The following ACTN1 variants were observed in gnomAD, a reference collection of about 807,000 sequenced individuals.
The protein encoded by ACTN1 is alpha-actinin-1.
In ACTN1, 30 loss-of-function variants were observed where a neutral mutation model predicts 119.6. The ratio of observed to expected loss-of-function variants is 0.25; its 90% CI spans 0.19 to 0.34. ACTN1 has a LOEUF of 0.34. ACTN1 is among the 10% of genes least tolerant of loss of function. The pLI is 1.00. For synonymous variants in ACTN1, 429 were observed against 472.6 expected (o/e 0.91, Z 1.20); for missense variants, 764 against 1,223.4 (o/e 0.62, Z 5.60).
At position 68,884,283 on chromosome 14, in the gene ACTN1, A is replaced by G. The variant is rs1269297556; in HGVS notation, c.1520T>C (p.Ile507Thr). The change falls in exon 14 of 22, where the codon ATT (isoleucine) becomes ACT (threonine). Residue 507 changes from isoleucine to threonine, a missense_variant. This residue lies in a region of ACTN1 where 544 missense variants were observed against 912.0 expected (regional missense o/e 0.60). Coordinates refer to ENST00000394419, the MANE Select transcript of ACTN1 (RefSeq NM_001130004.2). ...LERTEKLLETIDQLYLEYAKR... is the reference protein window; with the variant it reads ...LERTEKLLETTDQLYLEYAKR... ...GGCATACTCCAAGTACAGCTGGTCAATGGTCTCCAGCAGTTTCTCGGTCCG... is the reference window on the plus strand; with the variant it reads ...GGCATACTCCAAGTACAGCTGGTCAGTGGTCTCCAGCAGTTTCTCGGTCCG... 1.9e-6 allele frequency: 3 copies of G among 1,613,914 alleles called. No homozygotes were observed. The African/African-American group carries it at 4.0e-5, about 22-fold the overall frequency.
chr14:68,930,908 T>C (rs2035194264), intron 1 of ACTN1, among the ~76,000 whole-genome samples: 1 of 152,206 alleles, frequency 6.6e-6, no homozygotes, highest in Non-Finnish European at 1.5e-5. Context: ...AAAAGAATGT[T>C]AGAGCTAGAA....
Position 68,874,861 on chromosome 14 carries a change from A to G in ACTN1, c.2743T>C (p.Ter915GlnextTer37), listed in dbSNP as rs1322855033. 1 of 1,579,016 alleles carries G rather than the reference A, an allele frequency of 6.3e-7. No individual in the cohort carries two copies. The highest frequency in any genetic ancestry group is 1.7e-5 in the Admixed American group (1 of 58,766). The change falls in exon 22 of 22, where the codon TAA becomes CAA. Residue 915 changes from the stop codon to glutamine, a stop_lost. Transcript: ENST00000394419. ...CGAGGGCGGCCGGGCGGGGTGGATT[A>G]GAGGTCACTCTCGCCGTACAGCGCC... Reference protein sequence around the residue: ...STALYGESDL* With the variant: ...STALYGESDLQ
At chr14:68,911,983 G>T (rs142911973) in intron 4 of ACTN1, among the ~76,000 whole-genome samples, 173 bp downstream of exon 4, 1 of 152,368 alleles carries the variant, frequency 6.6e-6, no homozygotes, top group East Asian at 1.9e-4. Flanking sequence ...ATGGCAAACA[G>T]TTCTTTTTTC....
In ACTN1 at chr14:68,884,886, G is replaced by A; in HGVS notation, c.1386-3C>T. On this transcript the variant is annotated splice_polypyrimidine_tract_variant and splice_region_variant and intron_variant, in intron 12 of 21. Coordinates refer to ENST00000394419, the MANE Select transcript of ACTN1 (RefSeq NM_001130004.2). ...GTGAGTCATAATAGTCCAGCTCACT[G>A]GGGAGGGAAGAGACAAGGAAGTCAG... is the stretch of plus-strand genomic sequence containing the variant. 1 of 1,609,850 alleles carries A rather than the reference G, an allele frequency of 6.2e-7. No individual in the cohort carries two copies. Among genetic ancestry groups the A allele is most frequent in the Non-Finnish European group, 8.5e-7 (1 of 1,176,068 alleles).
At chr14:68,927,655 G>A (rs184313933) in intron 1 of ACTN1, among the ~76,000 whole-genome samples, 9 of 152,244 alleles carry the variant, frequency 5.9e-5, no homozygotes, top group Admixed American at 3.3e-4. Flanking sequence ...AAGACAGCTC[G>A]GAGGAAAGAG....
intron 9 of ACTN1, among the ~76,000 whole-genome samples, chr14:68,892,751 C>T (rs1465491923): frequency 6.6e-6 from 1 of 152,120 alleles, no homozygotes; most frequent in Non-Finnish European, 1.5e-5. Flanking sequence ...AAGAGGCTGG[C>T]TTCTGGGCAG....
chr14:68,921,268 C>T, intron 2 of ACTN1, 143 bp from the exon 3 acceptor site: 1 of 1,008,344 alleles, frequency 9.9e-7, no homozygotes, highest in Non-Finnish European at 1.4e-6. Flanking sequence ...TGCTCACACG[C>T]TGCTCAGGGG....
At chr14:68,932,803 T>C (rs958394224) in intron 1 of ACTN1, among the ~76,000 whole-genome samples, 6 of 152,116 alleles carry the variant, frequency 3.9e-5, no homozygotes, top group Non-Finnish European at 7.4e-5. Context: ...GTATGCATCA[T>C]AGATGTTCAG....
Position 68,878,223 on chromosome 14 carries a change from A to G in ACTN1, c.2427+235T>C. ...CACAGTGGGAGTGAGAAGTACCAGAAGATGAAGTGGCACAGAGATTGAGGC... is the reference window on the plus strand; with the variant it reads ...CACAGTGGGAGTGAGAAGTACCAGAGGATGAAGTGGCACAGAGATTGAGGC... On this transcript the variant is annotated intron_variant, in intron 20 of 21. Transcript: ENST00000394419. This position sits in a 1 kb window ranked among gnomAD's most constrained non-coding sequence, Gnocchi z 4.4. 1 of 493,406 alleles carries G rather than the reference A, an allele frequency of 2.0e-6. No homozygotes were observed. Among genetic ancestry groups the G allele is most frequent in the African/African-American group, 1.9e-5 (1 of 52,344 alleles). 30.6% of individuals were successfully genotyped at this position (493,406 alleles called of 1,614,324 possible).
chr14:68,878,306 G>A lies in ACTN1; in HGVS notation c.2427+152C>T. 3.4e-6 allele frequency: 4 copies of A among 1,182,540 alleles called. No homozygotes were observed. The highest frequency in any genetic ancestry group is 2.3e-6 in the Non-Finnish European group (2 of 875,916). 73.3% of individuals were successfully genotyped at this position (1,182,540 alleles called of 1,614,324 possible). On this transcript the variant is annotated intron_variant, in intron 20 of 21. Coordinates refer to ENST00000394419, the MANE Select transcript of ACTN1 (RefSeq NM_001130004.2). This position sits in a 1 kb window ranked among gnomAD's most constrained non-coding sequence, Gnocchi z 4.4. Reference sequence around the variant, plus strand: ...CCGTGGCCGGGCCGGCTTTCAGGGAGCCATCTTCCCCAAGGACATGGGCCC... The same window carrying A: ...CCGTGGCCGGGCCGGCTTTCAGGGAACCATCTTCCCCAAGGACATGGGCCC...
intron 14 of ACTN1, among the ~76,000 whole-genome samples, chr14:68,883,665 C>T (rs1345420322): frequency 1.3e-5 from 2 of 152,106 alleles, no homozygotes; most frequent in African/African-American, 4.8e-5. Context: ...GTAGTCCCAG[C>T]TACTAGGGAG....
intron 1 of ACTN1, among the ~76,000 whole-genome samples, chr14:68,948,461 C>A (rs1355784411): frequency 3.3e-5 from 5 of 152,108 alleles, no homozygotes; most frequent in Admixed American, 2.0e-4. Context: ...GCCTGTAATC[C>A]CAGCTACTTG....
chr14:68,888,074 C>T, intron 11 of ACTN1: 1 of 703,044 alleles, frequency 1.4e-6, no homozygotes. Context: ...GCTGACCTTC[C>T]CCTTGGGCAT....
At chr14:68,904,583 G>A in intron 7 of ACTN1, 72 bp downstream of exon 7, 1 of 1,431,340 alleles carries the variant, frequency 7.0e-7, no homozygotes, top group Non-Finnish European at 9.8e-7. Context: ...GACTGCTGGG[G>A]TCCACCCCTT....
chr14:68,879,048 G>A lies in ACTN1; in HGVS notation c.2302C>T (p.Pro768Ser), dbSNP rs1566588502. ...ATGAGGCAGGCTTTGAACTCCTCGGGACCCAGTGTGCCGGAGTGATCCTGG... is the reference window on the plus strand; with the variant it reads ...ATGAGGCAGGCTTTGAACTCCTCGGAACCCAGTGTGCCGGAGTGATCCTGG... ...FDRDHSGTLG[P>S]EEFKACLISL... is the part of the protein sequence containing the mutation. Residue 768 changes from proline (P) to serine (S), a missense_variant, in exon 19 of 22, where the codon CCC becomes TCC. Pro to Ser is a moderately conservative substitution (Grantham distance 74, BLOSUM62 -1). Transcript: ENST00000394419. The surrounding 1 kb of genome is among the most constrained non-coding windows in gnomAD (Gnocchi z 4.9). 1 of 1,612,724 alleles carries A rather than the reference G, an allele frequency of 6.2e-7. No homozygotes were observed. The highest frequency in any genetic ancestry group is 1.3e-5 in the African/African-American group (1 of 74,774).
At chr14:68,954,595 G>T (rs1204657874) in intron 1 of ACTN1, among the ~76,000 whole-genome samples, 1 of 152,138 alleles carries the variant, frequency 6.6e-6, no homozygotes, top group African/African-American at 2.4e-5. Flanking sequence ...CAAAGTGCTG[G>T]GATTACAGGC....
At chr14:68,918,065 T>C (rs1406834972) in intron 3 of ACTN1, among the ~76,000 whole-genome samples, 2 of 152,126 alleles carry the variant, frequency 1.3e-5, no homozygotes, top group African/African-American at 4.8e-5. Context: ...TGAGACCCTG[T>C]CTCAAAAAAT....
intron 1 of ACTN1, among the ~76,000 whole-genome samples, chr14:68,977,015 G>A (rs979247203): frequency 1.3e-5 from 2 of 152,122 alleles, no homozygotes; most frequent in Non-Finnish European, 2.9e-5. Context: ...TGTTCAGGCC[G>A]GTGCTCAGTG....
chr14:68,887,912 G>C, intron 11 of ACTN1: 1 of 897,342 alleles, frequency 1.1e-6, no homozygotes, highest in Non-Finnish European at 1.9e-6. Context: ...TTTTCCCTTT[G>C]CTCCCTTTTT....
Sources: allele counts gnomAD v4.1 joint callset (sites outside exome capture counted in the v4.1 genomes callset), GRCh38; gene constraint gnomAD v4.1.1; regional missense constraint gnomAD v4.1.1; non-coding constraint Gnocchi (gnomAD v3.1); transcripts MANE v1.5; gene names NCBI Gene and HGNC (gene_info 2026-07-23, HGNC 2026-07-21).